Variants in RACGAP1 observed in about 807,000 individuals in gnomAD.
The protein encoded by RACGAP1 is rac GTPase-activating protein 1.
A neutral mutation model predicts 78.1 loss-of-function variants in RACGAP1; 30 were observed. The observed-to-expected ratio is 0.38, with a 90% CI of 0.29 to 0.52. The LOEUF (loss-of-function observed/expected upper bound fraction) is 0.52. RACGAP1 is among the 20% of genes least tolerant of loss of function. The pLI is 0.82. For synonymous variants in RACGAP1, 231 were observed against 264.8 expected, an observed-to-expected ratio of 0.87 and a Z score of 1.24; for missense variants, 587 against 777.1, an observed-to-expected ratio of 0.76 and a Z score of 2.91.
chr12:50,025,745 G>T (rs543732980), upstream of RACGAP1, among the ~76,000 whole-genome samples: 1 of 152,116 alleles, frequency 6.6e-6, no homozygotes, highest in East Asian at 1.9e-4. Flanking sequence ...CTTCCTGAAT[G>T]CGAATTATTC....
intron 9 of RACGAP1, among the ~76,000 whole-genome samples, chr12:49,998,574 C>G (rs1948455243): frequency 6.6e-6 from 1 of 151,830 alleles, no homozygotes; most frequent in Non-Finnish European, 1.5e-5. Context: ...GTGATATATT[C>G]AAGAAAAAAT....
chr12:50,018,186 A>G (rs557947436), intron 1 of RACGAP1, among the ~76,000 whole-genome samples: 7 of 151,842 alleles, frequency 4.6e-5, no homozygotes, highest in Non-Finnish European at 1.0e-4. Context: ...ATATATAAAC[A>G]TGAAGATATT....
rs771572498 is a variant in RACGAP1, at chr12:50,011,953, CAAAAAAAAA to C, written c.85+4669_85+4677del. Among the ~76,000 whole-genome samples, 6 of 34,502 alleles carry C rather than the reference CAAAAAAAAA, an allele frequency of 1.7e-4. No individual in the cohort carries two copies. The South Asian group carries it at 2.8e-3, about 16-fold the overall frequency. 22.6% of individuals were successfully genotyped at this position (34,502 alleles called of 152,430 possible). A position where few individuals can be genotyped will look rare whatever the true frequency, so the allele number is the denominator to read the frequency against. ...TGGGCGACAGAGCGAGACTCCGTCT[CAAAAAAAAA>C]AAAAAAAAAAAAAAAAATTAGCTGG... On this transcript the variant is annotated intron_variant, in intron 2 of 16. Coordinates refer to ENST00000312377, the MANE Select transcript of RACGAP1 (RefSeq NM_001319999.2).
chr12:50,009,658 C>T (rs1005598735), intron 2 of RACGAP1, among the ~76,000 whole-genome samples: 3 of 152,156 alleles, frequency 2.0e-5, no homozygotes, highest in Non-Finnish European at 4.4e-5. Flanking sequence ...AATGAAAAGC[C>T]GCTGTTCAAA....
At position 49,992,003 on chromosome 12, in the gene RACGAP1, A is replaced by G. The variant is rs756247717; in HGVS notation, c.1709T>C (p.Ile570Thr). Reference sequence around the variant, plus strand: ...AAGCACATCTTGGGCCTTACCTTTAATATCTGGTGTCTGTGGTGTTGAAAA... The same window carrying G: ...AAGCACATCTTGGGCCTTACCTTTAGTATCTGGTGTCTGTGGTGTTGAAAA... ...NAFSTPQTPDIKVSLLGPVTT... is the reference protein window; with the variant it reads ...NAFSTPQTPDTKVSLLGPVTT... Residue 570 changes from isoleucine (I) to threonine (T), a missense_variant, in exon 15 of 17, where the codon ATT (isoleucine) becomes ACT (threonine). Ile to Thr is a moderately conservative substitution (Grantham distance 89). Transcript: ENST00000312377. The G allele has an allele frequency of 3.7e-6, 6 of 1,613,678 alleles. No homozygotes were observed. Among genetic ancestry groups the G allele is most frequent in the Non-Finnish European group, 3.4e-6 (4 of 1,179,970 alleles).
intron 13 of RACGAP1, 64 bp downstream of exon 13, chr12:49,992,486 C>T (rs2137236771): frequency 1.3e-6 from 2 of 1,586,666 alleles, no homozygotes; most frequent in East Asian, 4.5e-5. Context: ...AACACTCAAC[C>T]CACATTATCT....
chr12:50,002,104 GT>G lies in RACGAP1; in HGVS notation c.549+142del, dbSNP rs1241849111. The G allele has an allele frequency of 2.7e-5, 12 of 450,894 alleles. No individual in the cohort carries two copies. In the East Asian group the frequency reaches 4.5e-4, roughly 17 times the overall value. The allele number at this position is 450,894 out of a possible 1,614,324, so 27.9% of individuals were successfully genotyped here. A position where few individuals can be genotyped will look rare whatever the true frequency, so the allele number is the denominator to read the frequency against. On this transcript the variant is annotated intron_variant, in intron 6 of 16. Transcript: ENST00000312377. Reference sequence around the variant, plus strand: ...AAAAAAAAAAAAGAATATCAATACTGTCCCCACAGCATGAATTCATCTGTAG... The same window carrying G: ...AAAAAAAAAAAAGAATATCAATACTGCCCCACAGCATGAATTCATCTGTAG...
chr12:50,026,842 G>A (rs138476051), upstream of RACGAP1, among the ~76,000 whole-genome samples: 273 of 152,084 alleles, frequency 1.8e-3, 1 homozygote, highest in African/African-American at 6.2e-3. Context: ...TAATTCTTTT[G>A]CTTGTTTGTT....
chr12:50,017,120 T>TA, intron 1 of RACGAP1: 1 of 973,848 alleles, frequency 1.0e-6, no homozygotes, highest in Non-Finnish European at 1.2e-6. Context: ...CAATGTAACT[T>TA]AAAATATCTA....
chr12:50,027,106 C>T (rs1194460290), upstream of RACGAP1, among the ~76,000 whole-genome samples: 3 of 152,150 alleles, frequency 2.0e-5, no homozygotes, highest in East Asian at 3.8e-4. Context: ...ATTCCCAGAT[C>T]GACTGAGACA....
intron 2 of RACGAP1, among the ~76,000 whole-genome samples, chr12:50,010,387 G>A (rs1037069074): frequency 1.3e-5 from 2 of 149,094 alleles, no homozygotes; most frequent in African/African-American, 5.0e-5. Context: ...GCAATGACAT[G>A]ATCTTGGCTG....
intron 1 of RACGAP1, among the ~76,000 whole-genome samples, chr12:50,023,452 G>A (rs147506126): frequency 6.6e-6 from 1 of 152,180 alleles, no homozygotes; most frequent in East Asian, 1.9e-4. Flanking sequence ...AAAGTAAACA[G>A]GCCAGGCATG....
intron 2 of RACGAP1, among the ~76,000 whole-genome samples, chr12:50,014,536 G>C (rs1949538501): frequency 6.6e-6 from 1 of 152,022 alleles, no homozygotes; most frequent in Admixed American, 6.6e-5. Context: ...CTGAGTATCT[G>C]GGACCACAGG....
At chr12:50,032,532 G>GGGGAGTGTGT (rs1950344045) in intron 1 of RACGAP1, among the ~76,000 whole-genome samples, 1 of 75,078 alleles carries the variant, frequency 1.3e-5, no homozygotes, top group African/African-American at 8.4e-5. Context: ...CAAAGGAAAA[G>GGGGAGTGTGT]GTGAGTGTGT....
chr12:49,998,003 G>C (rs1290605388), intron 9 of RACGAP1, among the ~76,000 whole-genome samples: 1 of 152,206 alleles, frequency 6.6e-6, no homozygotes, highest in Non-Finnish European at 1.5e-5. Context: ...TTCATTTTAA[G>C]ATGAGGAAAC....
chr12:49,998,649 C>T (rs549934999), intron 9 of RACGAP1, among the ~76,000 whole-genome samples: 9 of 152,004 alleles, frequency 5.9e-5, no homozygotes, highest in Non-Finnish European at 1.3e-4. Flanking sequence ...CCTGTAATCC[C>T]AGGACTTTGG....
At chr12:49,998,597 C>T (rs972631843) in intron 9 of RACGAP1, among the ~76,000 whole-genome samples, 3 of 151,824 alleles carry the variant, frequency 2.0e-5, no homozygotes, top group African/African-American at 7.3e-5. Context: ...AAACATGTGT[C>T]ACTAAAAAGT....
At chr12:50,010,482 C>A (rs544011699) in intron 2 of RACGAP1, among the ~76,000 whole-genome samples, 6 of 152,076 alleles carry the variant, frequency 3.9e-5, no homozygotes, top group African/African-American at 1.2e-4. Flanking sequence ...TGCTACCACG[C>A]CCGGCTAACT....
At chr12:50,007,676 A>T (rs912717633) in intron 2 of RACGAP1, among the ~76,000 whole-genome samples, 20 of 152,222 alleles carry the variant, frequency 1.3e-4, no homozygotes, top group Non-Finnish European at 2.2e-4. Context: ...AACAATTTTA[A>T]TCATTTGACC....
Sources: gnomAD v4.1 joint callset for allele counts (sites outside exome capture counted in the v4.1 genomes callset) on GRCh38, gnomAD v4.1.1 for gene constraint, MANE v1.5 for transcripts, NCBI Gene and HGNC (gene_info 2026-07-23, HGNC 2026-07-21) for gene names.